Variants in SRD5A2 observed in about 807,000 individuals in gnomAD.
SRD5A2 encodes steroid 5 alpha-reductase 2.
A neutral mutation model predicts 27.4 loss-of-function variants in SRD5A2; 30 were observed. The observed-to-expected ratio is 1.10, with a 90% CI of 0.82 to 1.49. The LOEUF is 1.49. Ranked by LOEUF, SRD5A2 falls within the 40% of genes most tolerant of loss-of-function variation. The pLI is 0.00. For missense variants in SRD5A2, 348 were observed against 323.4 expected, an observed-to-expected ratio of 1.08 and a Z score of -0.58; for synonymous variants, 141 against 133.6, an observed-to-expected ratio of 1.06 and a Z score of -0.38.
At chr2:31,655,121 G>A in the SRD5A2 span, among the ~76,000 whole-genome samples, 1 of 151,908 alleles carries the variant, frequency 6.6e-6, no homozygotes, top group Non-Finnish European at 1.5e-5. Context: ...TTTTATCTTA[G>A]ATGGAGTTTC....
intron 4 of SRD5A2, among the ~76,000 whole-genome samples, chr2:31,528,965 G>A (rs890452778): frequency 1.3e-5 from 2 of 152,174 alleles, no homozygotes; most frequent in African/African-American, 2.4e-5. Flanking sequence ...TGGGCACAGA[G>A]CCTGGGTCAG....
At chr2:31,587,504 C>A in the SRD5A2 span, among the ~76,000 whole-genome samples, 1 of 152,054 alleles carries the variant, frequency 6.6e-6, no homozygotes, top group Non-Finnish European at 1.5e-5. Context: ...AACCCGAATG[C>A]CCATCAATGG....
intron 3 of SRD5A2, among the ~76,000 whole-genome samples, chr2:31,530,203 CT>C (rs1665875242): frequency 6.6e-6 from 1 of 152,168 alleles, no homozygotes; most frequent in African/African-American, 2.4e-5. Flanking sequence ...CAATTTTGTT[CT>C]TTCTACAGTT....
chr2:31,643,083 C>A, the SRD5A2 span, among the ~76,000 whole-genome samples: 1 of 152,050 alleles, frequency 6.6e-6, no homozygotes, highest in Admixed American at 6.5e-5. Flanking sequence ...CATTCTGTAT[C>A]TTGATACAGG....
chr2:31,525,271 T>G lies in SRD5A2; in HGVS notation c.*925A>C. 1 of 224,218 alleles carries G rather than the reference T, an allele frequency of 4.5e-6. No homozygotes were observed. The highest frequency in any genetic ancestry group is 8.9e-6 in the Non-Finnish European group (1 of 112,308). 13.9% of individuals were successfully genotyped at this position (224,218 alleles called of 1,614,324 possible). A position where few individuals can be genotyped will look rare whatever the true frequency, so the allele number is the denominator to read the frequency against. ...TGTACTTCATATTGTTGTGGACATC[T>G]GGTGGAGGCAAGCAGCATGTAACCT... On this transcript the variant is annotated 3_prime_UTR_variant, in exon 5 of 5. Coordinates refer to ENST00000622030, the MANE Select transcript of SRD5A2 (RefSeq NM_000348.4).
upstream of SRD5A2, among the ~76,000 whole-genome samples, chr2:31,583,077 G>A (rs939836646): frequency 7.2e-5 from 11 of 152,172 alleles, no homozygotes; most frequent in Non-Finnish European, 1.5e-4. Context: ...TCTGTGGGTT[G>A]GCTGTGGGTC....
At chr2:31,530,144 C>T (rs1342558323) in intron 3 of SRD5A2, among the ~76,000 whole-genome samples, 1 of 152,064 alleles carries the variant, frequency 6.6e-6, no homozygotes, top group Non-Finnish European at 1.5e-5. Flanking sequence ...TAAATATATC[C>T]ACACTAAATT....
chr2:31,658,212 G>A, the SRD5A2 span, among the ~76,000 whole-genome samples: 1 of 152,084 alleles, frequency 6.6e-6, no homozygotes, highest in East Asian at 1.9e-4. Context: ...GAATTTCTGG[G>A]ACACAGCTAA....
the SRD5A2 span, among the ~76,000 whole-genome samples, chr2:31,605,718 A>G: frequency 6.6e-6 from 1 of 151,702 alleles, no homozygotes; most frequent in Non-Finnish European, 1.5e-5. Context: ...TAATATAACC[A>G]CTATGGCGAG....
intron 1 of SRD5A2, among the ~76,000 whole-genome samples, chr2:31,535,902 G>A (rs1238944272): frequency 1.3e-5 from 2 of 152,324 alleles, no homozygotes; most frequent in East Asian, 3.9e-4. Context: ...GGTTAAAAAG[G>A]TCAGGCTCGA....
intron 1 of SRD5A2, among the ~76,000 whole-genome samples, chr2:31,570,181 G>C (rs1666822963): frequency 6.6e-6 from 1 of 152,072 alleles, no homozygotes; most frequent in Admixed American, 6.5e-5. Context: ...TAATCCACCA[G>C]GATCAAGCAG....
intron 1 of SRD5A2, among the ~76,000 whole-genome samples, chr2:31,565,533 C>A (rs374102682): frequency 6.6e-5 from 10 of 151,688 alleles, no homozygotes; most frequent in African/African-American, 1.7e-4. Context: ...ACCATGTTAA[C>A]CCTAGTAAAA....
At chr2:31,623,005 A>G in the SRD5A2 span, among the ~76,000 whole-genome samples, 1 of 152,050 alleles carries the variant, frequency 6.6e-6, no homozygotes, top group Non-Finnish European at 1.5e-5. Context: ...TTCTTCAGCA[A>G]CTTCTCATGT....
chr2:31,582,529 T>A (rs1310505348), upstream of SRD5A2, among the ~76,000 whole-genome samples: 1 of 152,196 alleles, frequency 6.6e-6, no homozygotes, highest in African/African-American at 2.4e-5. Flanking sequence ...GTCTTAGCCA[T>A]CATAGCCGTT....
intron 1 of SRD5A2, among the ~76,000 whole-genome samples, chr2:31,572,158 A>G (rs1169979880): frequency 6.6e-6 from 1 of 152,222 alleles, no homozygotes. Flanking sequence ...CATGAAAAAT[A>G]ATGAGATCAT....
chr2:31,532,938 C>T (rs2148066349), intron 2 of SRD5A2, among the ~76,000 whole-genome samples: 1 of 152,210 alleles, frequency 6.6e-6, no homozygotes, highest in South Asian at 2.1e-4. Context: ...CCCATGAATA[C>T]ATGGGGGCAA....
chr2:31,619,136 G>A, the SRD5A2 span, among the ~76,000 whole-genome samples: 1 of 152,058 alleles, frequency 6.6e-6, no homozygotes, highest in Non-Finnish European at 1.5e-5. Context: ...TTCTCAGGAT[G>A]GCTATAATCA....
chr2:31,642,429 A>C, the SRD5A2 span, among the ~76,000 whole-genome samples: 1 of 152,018 alleles, frequency 6.6e-6, no homozygotes, highest in Non-Finnish European at 1.5e-5. Flanking sequence ...ATATAGGTGA[A>C]ATACTTGAAC....
At chr2:31,583,627 AACAAAAAAAAAGC>A (rs1667122395), upstream of SRD5A2, among the ~76,000 whole-genome samples, 5 of 60,088 alleles carry the variant, frequency 8.3e-5, no homozygotes, top group South Asian at 5.7e-4. Context: ...AAAAAAAAAA[AACAAAAAAAAAGC>A]AAAAAAAAAA....
Sources: allele counts gnomAD v4.1 joint callset (sites outside exome capture counted in the v4.1 genomes callset), GRCh38; gene constraint gnomAD v4.1.1; transcripts MANE v1.5; gene names NCBI Gene and HGNC (gene_info 2026-07-23, HGNC 2026-07-21).